SI: variants seen among roughly 807,000 people sequenced by gnomAD.
SI encodes sucrase-isomaltase, intestinal.
Under a neutral mutation model 253.3 loss-of-function variants are expected in SI, and 235 were observed. The observed-to-expected ratio is 0.93, with a 90% confidence interval of 0.83 to 1.03. The LOEUF is 1.03. Ranked by LOEUF, SI falls within the 50% of genes least tolerant of loss-of-function variation. The pLI is 0.00. For missense variants in SI, 2,442 were observed against 2,211.1 expected (o/e 1.10, Z -2.09); for synonymous variants, 819 against 712.0 (o/e 1.15, Z -2.39).
chr3:165,021,372 G>C lies in SI; in HGVS notation c.3111C>G (p.Pro1037=). Residue 1037 remains proline, a synonymous_variant, in exon 27 of 48, where the codon CCC becomes CCG. Transcript: ENST00000264382. The stretch of plus-strand genomic sequence containing the variant: ...CTGGTACTTCATATCTCTTCTTTTG[G>C]GGATCATAAATCTATTGCAGATAAG... The part of the protein sequence containing the change: ...NDMLQFKIYD[P]QKKRYEVPVP... 6.2e-7 allele frequency: 1 copy of C among 1,609,716 alleles called. No homozygotes were observed. Among genetic ancestry groups the C allele is most frequent in the South Asian group, 1.1e-5 (1 of 90,998 alleles).
chr3:165,032,449 G>A (rs866392086), intron 24 of SI, 73 bp downstream of exon 24: 3 of 994,366 alleles, frequency 3.0e-6, no homozygotes, highest in East Asian at 2.6e-5. Flanking sequence ...AATAGGATAA[G>A]TGCCTGAATG....
At chr3:165,004,748 G>T (rs925628044) in intron 37 of SI, among the ~76,000 whole-genome samples, 2 of 152,112 alleles carry the variant, frequency 1.3e-5, no homozygotes, top group African/African-American at 4.8e-5. Flanking sequence ...TTTTGAAAAA[G>T]CAAAACATTG....
chr3:165,050,343 CA>C (rs2108234111), intron 13 of SI, among the ~76,000 whole-genome samples: 1 of 152,164 alleles, frequency 6.6e-6, no homozygotes, highest in African/African-American at 2.4e-5. Context: ...TGTAAAAAGG[CA>C]AATAGCCTTT....
the SI span, among the ~76,000 whole-genome samples, chr3:165,083,937 A>G: frequency 6.6e-6 from 1 of 152,040 alleles, no homozygotes; most frequent in African/African-American, 2.4e-5. Flanking sequence ...CAAAAGTCTT[A>G]TTTGTGTTGT....
At position 165,065,420 on chromosome 3, in the gene SI, G is replaced by A. The variant is rs750121765; in HGVS notation, c.648C>T (p.Ser216=). 3 of 1,493,570 alleles carry A rather than the reference G, an allele frequency of 2.0e-6. No homozygotes were observed. The highest frequency in any genetic ancestry group is 1.8e-6 in the Non-Finnish European group (2 of 1,099,800). The allele number at this position is 1,493,570 out of a possible 1,614,324, so 92.5% of individuals were successfully genotyped here. A position where few individuals can be genotyped will look rare whatever the true frequency, so the allele number is the denominator to read the frequency against. The part of the protein sequence containing the change: ...KSNGKTLFDT[S]IGPLVYSDQY... ...GGTCAGAGTACACTAAGGGACCAAT[G>A]CTGGTGTCAAACCTGCACCATAAAA... The change falls in exon 7 of 48, where the codon AGC becomes AGT. Residue 216 remains serine (S), a synonymous_variant. Transcript: ENST00000264382.
In SI at chr3:164,994,383, T is replaced by C. The variant is rs1559980813; in HGVS notation, c.4715A>G (p.Asn1572Ser). 1 of 1,611,046 alleles carries C rather than the reference T, an allele frequency of 6.2e-7. No homozygotes were observed. Among genetic ancestry groups the C allele is most frequent in the Non-Finnish European group, 8.5e-7 (1 of 1,177,824 alleles). The change falls in exon 41 of 48, where the codon AAT (asparagine) becomes AGT (serine). Residue 1572 changes from asparagine (N) to serine (S), a missense_variant. Transcript: ENST00000264382. ...NTRRQDPASW[N>S]ETFAEMSRNI... is the part of the protein sequence containing the mutation. Reference sequence around the variant, plus strand: ...CCTTGACATTTCAGCAAAAGTTTCATTCCAGGAAGCGGGATCTTGTCTCTG... The same window carrying C: ...CCTTGACATTTCAGCAAAAGTTTCACTCCAGGAAGCGGGATCTTGTCTCTG...
At position 165,016,100 on chromosome 3, in the gene SI, T is replaced by C. The variant is rs1005184768; in HGVS notation, c.3760-20A>G. 2 of 1,609,512 alleles carry C rather than the reference T, an allele frequency of 1.2e-6. No homozygotes were observed. The highest frequency in any genetic ancestry group is 1.3e-5 in the African/African-American group (1 of 74,906). On this transcript the variant is annotated intron_variant, in intron 31 of 47. Transcript: ENST00000264382. ...AACATCCTGAAATATCCAAAAATTA[T>C]CAAAGTAGGGCAAAAAATACAAAAT...
At chr3:164,990,793 T>C (rs909234256) in intron 44 of SI, among the ~76,000 whole-genome samples, 2 of 151,940 alleles carry the variant, frequency 1.3e-5, no homozygotes, top group Admixed American at 1.3e-4. Flanking sequence ...ATATACCTAA[T>C]GTTAAAAAGA....
intron 37 of SI, among the ~76,000 whole-genome samples, chr3:165,005,311 T>A (rs985919191): frequency 1.2e-4 from 19 of 152,078 alleles, no homozygotes; most frequent in African/African-American, 4.6e-4. Context: ...TGATAGTCAA[T>A]AATAGTTTAA....
At chr3:165,075,808 G>C in intron 2 of SI, 87 bp downstream of exon 2, 1 of 837,066 alleles carries the variant, frequency 1.2e-6, no homozygotes, top group Non-Finnish European at 2.0e-6. Flanking sequence ...ATCTTACACA[G>C]ATTATTTTTT....
Position 165,033,441 on chromosome 3 carries a change from G to A in SI, c.2519C>T (p.Thr840Ile). The A allele has an allele frequency of 6.5e-7, 1 of 1,538,034 alleles. No homozygotes were observed. The highest frequency in any genetic ancestry group is 8.8e-7 in the Non-Finnish European group (1 of 1,138,294). The change falls in exon 23 of 48, where the codon ACA becomes ATA. Residue 840 changes from threonine to isoleucine, a missense_variant. Coordinates refer to ENST00000264382, the MANE Select transcript of SI (RefSeq NM_001041.4). ...FFWDDGETKD[T>I]IQNGNYILYT... The stretch of plus-strand genomic sequence containing the variant: ...TAATATGTAGTTGCCATTTTGTATT[G>A]TATCTGAAATGAAAAATATCGTGAT...
At chr3:164,993,203 G>T (rs896141596) in intron 41 of SI, among the ~76,000 whole-genome samples, 5 of 151,652 alleles carry the variant, frequency 3.3e-5, no homozygotes, top group African/African-American at 1.2e-4. Context: ...TAGTGACTCA[G>T]CCCAGAGGTG....
rs150131334 is a variant in SI at position 164,982,357 on chromosome 3, C to A, written c.5301G>T (p.Thr1767=). The A allele has an allele frequency of 1.2e-6, 2 of 1,612,560 alleles. No homozygotes were observed. Among genetic ancestry groups the A allele is most frequent in the Non-Finnish European group, 1.7e-6 (2 of 1,179,000 alleles). ...CCCATACATGAAGGGATCCAAGCCT[C>A]GTTTCACTTTTATTTATGTAACCTC... The part of the protein sequence containing the change: ...LKRGYINKSE[T]RLGSLHVWGK... Residue 1767 remains threonine (T), a synonymous_variant, in exon 47 of 48, where the codon ACG becomes ACT. Coordinates refer to ENST00000264382, the MANE Select transcript of SI (RefSeq NM_001041.4).
At chr3:165,008,624 A>G (rs1331831915) in intron 35 of SI, among the ~76,000 whole-genome samples, 3 of 152,072 alleles carry the variant, frequency 2.0e-5, no homozygotes, top group African/African-American at 7.2e-5. Context: ...GAATTTTTAA[A>G]CAAAATATAT....
Position 165,019,772 on chromosome 3 carries a change from T to G in SI, c.3255-2A>C, listed in dbSNP as rs200479964. ...AATCCAGGCAGCCAAGAATCCCAAC[T>G]GAAAACAAAAGAAAACAAAGCTATG... On this transcript the variant is annotated splice_acceptor_variant, in intron 27 of 47. Transcript: ENST00000264382. LOFTEE classifies it high-confidence loss of function. The G allele has an allele frequency of 6.2e-7, 1 of 1,611,688 alleles. No individual in the cohort carries two copies. The highest frequency in any genetic ancestry group is 1.3e-5 in the African/African-American group (1 of 74,872).
intron 18 of SI, 86 bp from the exon 19 acceptor site, chr3:165,040,057 T>G (rs894951615): frequency 1.9e-6 from 2 of 1,045,534 alleles, no homozygotes; most frequent in Non-Finnish European, 3.0e-6. Flanking sequence ...TTCAGTTTTT[T>G]CCTGGGAATT....
chr3:165,068,791 T>C lies in SI; in HGVS notation c.414A>G (p.Leu138=), dbSNP rs1306730912. 1 of 1,613,686 alleles carries C rather than the reference T, an allele frequency of 6.2e-7. No homozygotes were observed. The highest frequency in any genetic ancestry group is 8.5e-7 in the Non-Finnish European group (1 of 1,179,812). Residue 138 remains leucine, a synonymous_variant, in exon 5 of 48, where the codon CTA becomes CTG. Coordinates refer to ENST00000264382, the MANE Select transcript of SI (RefSeq NM_001041.4). ...GAACACTGTTGATGTCATTTCCAAA[T>C]AGTGTAGGTGAAGGTATCCTGTTTA... ...AKLNRIPSPT[L]FGNDINSVLF...
intron 45 of SI, among the ~76,000 whole-genome samples, chr3:164,984,003 A>G (rs531480178): frequency 1.3e-5 from 2 of 152,234 alleles, no homozygotes; most frequent in Admixed American, 1.3e-4. Context: ...ACTTTACTCT[A>G]AAAGATATTT....
chr3:164,982,155 A>T (rs1717218309), intron 47 of SI, 88 bp downstream of exon 47: 2 of 942,994 alleles, frequency 2.1e-6, no homozygotes, highest in Non-Finnish European at 3.3e-6. Context: ...ACTCATAATT[A>T]TGTTTCTTAC....
Sources: gnomAD v4.1 joint callset for allele counts (sites outside exome capture counted in the v4.1 genomes callset) on GRCh38, gnomAD v4.1.1 for gene constraint, MANE v1.5 for transcripts, NCBI Gene and HGNC (gene_info 2026-07-23, HGNC 2026-07-21) for gene names.